VAT1L: variants seen among roughly 807,000 people sequenced by gnomAD.
VAT1L encodes the protein vesicle amine transport 1 like, also known as putative NADPH-dependent quinone oxidoreductase VAT1L.
VAT1L carries 34 observed loss-of-function variants against 44.1 expected under a neutral mutation model. The observed-to-expected ratio is 0.77, with a 90% CI of 0.59 to 1.03. VAT1L has a LOEUF of 1.03. VAT1L is among the 50% of genes least tolerant of loss of function. VAT1L has a pLI of 0.00. For synonymous variants in VAT1L, 253 were observed against 202.2 expected (o/e 1.25, Z -2.13); for missense variants, 615 against 538.8 (o/e 1.14, Z -1.40).
chr16:77,913,486 C>T (rs1260991158), intron 7 of VAT1L, among the ~76,000 whole-genome samples: 1 of 151,546 alleles, frequency 6.6e-6, no homozygotes, highest in Non-Finnish European at 1.5e-5. Context: ...CAGTGATCAG[C>T]TCTCGATCCT....
chr16:77,832,871 A>T (rs2016595434), intron 3 of VAT1L, among the ~76,000 whole-genome samples: 1 of 152,198 alleles, frequency 6.6e-6, no homozygotes, highest in Admixed American at 6.5e-5. Flanking sequence ...AACAGCATGG[A>T]GCAAGTGACG....
At chr16:77,806,108 C>A (rs2016153936) in intron 1 of VAT1L, among the ~76,000 whole-genome samples, 1 of 151,996 alleles carries the variant, frequency 6.6e-6, no homozygotes, top group Non-Finnish European at 1.5e-5. Flanking sequence ...GGTGATCTGC[C>A]TGCCTTGGCC....
intron 1 of VAT1L, among the ~76,000 whole-genome samples, chr16:77,815,978 A>C (rs993160064): frequency 6.9e-6 from 1 of 145,908 alleles, no homozygotes; most frequent in African/African-American, 2.5e-5. Context: ...CAAAAAAAAA[A>C]AAAAAAAAAA....
chr16:77,953,708 C>G (rs2018070912), intron 7 of VAT1L, among the ~76,000 whole-genome samples: 1 of 152,060 alleles, frequency 6.6e-6, no homozygotes, highest in South Asian at 2.1e-4. Context: ...ATTGCCCAAG[C>G]TGGTCTGGAA....
At chr16:77,869,803 C>T (rs1473383744) in intron 4 of VAT1L, among the ~76,000 whole-genome samples, 1 of 152,192 alleles carries the variant, frequency 6.6e-6, no homozygotes, top group Non-Finnish European at 1.5e-5. Context: ...AGGAATCAAA[C>T]TCCCGATCGA....
chr16:77,828,822 C>T (rs532623721), intron 3 of VAT1L, among the ~76,000 whole-genome samples: 4 of 152,112 alleles, frequency 2.6e-5, no homozygotes, highest in East Asian at 1.9e-4. Flanking sequence ...GAAATGGATT[C>T]GCCTCTTGAG....
In VAT1L at chr16:77,931,514, C is replaced by G. The variant is rs552246687; in HGVS notation, c.1078-40336C>G. On this transcript the variant is annotated intron_variant, in intron 7 of 8. Coordinates refer to ENST00000302536, the MANE Select transcript of VAT1L (RefSeq NM_020927.3). ...GAAAGAAGGGTTCTGTGGTGAAATA[C>G]TATATTTTCTGATGTGTAAAATTCA... Among the ~76,000 whole-genome samples, 38 of 152,300 alleles carry G rather than the reference C, an allele frequency of 2.5e-4. No homozygotes were observed. The South Asian group carries it at 7.5e-3, about 30-fold the overall frequency.
intron 7 of VAT1L, among the ~76,000 whole-genome samples, chr16:77,894,769 G>A (rs903867623): frequency 2.0e-5 from 3 of 152,114 alleles, no homozygotes; most frequent in Non-Finnish European, 4.4e-5. Context: ...AGATATGCTA[G>A]TATACACGTA....
At chr16:77,933,681 G>C (rs2017758511) in intron 7 of VAT1L, among the ~76,000 whole-genome samples, 1 of 152,158 alleles carries the variant, frequency 6.6e-6, no homozygotes, top group Non-Finnish European at 1.5e-5. Flanking sequence ...AAGGAGGAGA[G>C]GTCTTAAGCA....
At chr16:77,846,810 A>C (rs1358518805) in intron 3 of VAT1L, among the ~76,000 whole-genome samples, 3 of 152,228 alleles carry the variant, frequency 2.0e-5, no homozygotes, top group Non-Finnish European at 4.4e-5. Flanking sequence ...TCACAATGTA[A>C]GCTTAGAAAG....
At chr16:77,871,977 A>G (rs148518702) in intron 4 of VAT1L, among the ~76,000 whole-genome samples, 1,794 of 152,176 alleles carry the variant, frequency 0.012, 37 homozygotes, top group African/African-American at 0.041. Flanking sequence ...AATGGTAATC[A>G]ATCAAAGCTA....
intron 3 of VAT1L, among the ~76,000 whole-genome samples, chr16:77,825,939 CGTG>C (rs2016515425): frequency 2.8e-5 from 4 of 145,030 alleles, no homozygotes; most frequent in Non-Finnish European, 4.5e-5. Context: ...AGAAGAATGG[CGTG>C]AACCCGGGAG....
chr16:77,894,122 C>T (rs1284553418), intron 7 of VAT1L, among the ~76,000 whole-genome samples: 2 of 152,150 alleles, frequency 1.3e-5, no homozygotes, highest in Non-Finnish European at 2.9e-5. Context: ...TGGACATTAG[C>T]GTCTCCACTA....
intron 5 of VAT1L, among the ~76,000 whole-genome samples, chr16:77,877,512 CAAAAAAAAAAAAAAAAAA>C (rs55704400): frequency 4.6e-4 from 40 of 86,788 alleles, no homozygotes; most frequent in South Asian, 1.8e-3. Context: ...GACTCTGTCT[CAAAAAAAAAAAAAAAAAA>C]AAAAAAAAAA....
At chr16:77,918,458 AC>A (rs935324726) in intron 7 of VAT1L, among the ~76,000 whole-genome samples, 34 of 151,836 alleles carry the variant, frequency 2.2e-4, no homozygotes, top group African/African-American at 7.7e-4. Context: ...CTGTAATTCC[AC>A]CCACCATCAT....
At chr16:77,936,006 T>TA (rs1228195978) in intron 7 of VAT1L, among the ~76,000 whole-genome samples, 1 of 152,164 alleles carries the variant, frequency 6.6e-6, no homozygotes, top group African/African-American at 2.4e-5. Context: ...TGACACTCCT[T>TA]AATTTTCCTC....
chr16:77,811,478 T>C (rs1475851876), intron 1 of VAT1L, among the ~76,000 whole-genome samples: 1 of 152,156 alleles, frequency 6.6e-6, no homozygotes, highest in Non-Finnish European at 1.5e-5. Context: ...TACCATGGTT[T>C]ATAGATCACA....
intron 7 of VAT1L, among the ~76,000 whole-genome samples, chr16:77,889,258 A>T (rs911329033): frequency 1.3e-5 from 2 of 152,188 alleles, no homozygotes; most frequent in African/African-American, 4.8e-5. Context: ...ATCAGAGACG[A>T]TTAAAGTTTC....
At chr16:77,807,724 G>T (rs145644682) in intron 1 of VAT1L, among the ~76,000 whole-genome samples, 2 of 152,050 alleles carry the variant, frequency 1.3e-5, no homozygotes, top group African/African-American at 4.8e-5. Flanking sequence ...TACTGTGTAC[G>T]AGGTACTCTG....
Sources: allele counts gnomAD v4.1 joint callset (sites outside exome capture counted in the v4.1 genomes callset), GRCh38; gene constraint gnomAD v4.1.1; transcripts MANE v1.5; gene names NCBI Gene and HGNC (gene_info 2026-07-23, HGNC 2026-07-21).